DMD: variants seen among roughly 807,000 people sequenced by gnomAD.
The protein encoded by DMD is dystrophin.
Under a neutral mutation model 330.1 loss-of-function variants are expected in DMD, and 63 were observed. That is an observed-to-expected ratio of 0.19 (90% CI 0.16 to 0.24). DMD has a LOEUF of 0.24. Among genes scored for constraint, DMD ranks in the 10% least tolerant of loss-of-function variants. The pLI is 1.00. For synonymous variants in DMD, 1,223 were observed against 959.8 expected (o/e 1.27, Z -5.07); for missense variants, 3,344 against 2,684.1 (o/e 1.25, Z -5.43).
intron 25 of DMD, among the ~76,000 whole-genome samples, chrX:32,461,274 T>C (rs891977218): frequency 8.9e-6 from 1 of 111,764 alleles, no homozygotes; most frequent in African/African-American, 3.2e-5. Flanking sequence ...GCTGAATTGG[T>C]AACAATATTC....
intron 13 of DMD, among the ~76,000 whole-genome samples, chrX:32,579,683 T>A (rs756623650): frequency 2.9e-4 from 33 of 113,006 alleles, no homozygotes; most frequent in Non-Finnish European, 5.8e-4. Flanking sequence ...ATAATTTGAT[T>A]CAAAAACATT....
chrX:31,182,193 A>G (rs1019324234), intron 68 of DMD, among the ~76,000 whole-genome samples: 3 of 111,989 alleles, frequency 2.7e-5, no homozygotes, highest in African/African-American at 9.8e-5. Flanking sequence ...ATACTATACA[A>G]AGAATGTAAT....
chrX:32,737,371 G>C (rs144039687), intron 7 of DMD, among the ~76,000 whole-genome samples: 1 of 110,883 alleles, frequency 9.0e-6, no homozygotes, highest in East Asian at 2.9e-4. Context: ...CTATTTTATG[G>C]TATTTTCTAA....
intron 1 of DMD, among the ~76,000 whole-genome samples, chrX:33,331,565 T>C (rs2054177479): frequency 9.0e-6 from 1 of 111,719 alleles, no homozygotes; most frequent in African/African-American, 3.2e-5. Flanking sequence ...AAGTTTATTT[T>C]CCCTTAGCTC....
intron 37 of DMD, among the ~76,000 whole-genome samples, chrX:32,362,179 ATTTG>A (rs980382586): frequency 4.5e-5 from 5 of 111,653 alleles, no homozygotes; most frequent in Admixed American, 2.9e-4. Context: ...CTTTGCAATG[ATTTG>A]TTTTCATGGC....
chrX:31,230,407 T>C, intron 63 of DMD, among the ~76,000 whole-genome samples: 1 of 111,253 alleles, frequency 9.0e-6, no homozygotes, highest in Non-Finnish European at 1.9e-5. Context: ...CCAGCACTTA[T>C]GGAGGTCGAG....
At chrX:31,565,085 G>T (rs1394507133) in intron 55 of DMD, among the ~76,000 whole-genome samples, 3 of 111,989 alleles carry the variant, frequency 2.7e-5, no homozygotes, top group Non-Finnish European at 5.6e-5. Flanking sequence ...TGAGATAATT[G>T]TATGTTCACA....
Position 31,771,823 on chromosome X carries a change from T to G in DMD, c.7542+2137A>C, listed in dbSNP as rs190447810. On this transcript the variant is annotated intron_variant, in intron 51 of 78. Coordinates refer to ENST00000357033, the MANE Select transcript of DMD (RefSeq NM_004006.3). Reference sequence around the variant, plus strand: ...GCCCTCTACATTAGTTTTTGACCTATATTTAAAGACGATCTCTGTGAGGGG... The same window carrying G: ...GCCCTCTACATTAGTTTTTGACCTAGATTTAAAGACGATCTCTGTGAGGGG... Among the ~76,000 whole-genome samples, 11 of 111,670 alleles carry G rather than the reference T, an allele frequency of 9.9e-5. No homozygotes were observed. The East Asian group carries it at 3.1e-3, about 31-fold the overall frequency.
At chrX:31,822,139 T>C (rs776086852) in intron 49 of DMD, among the ~76,000 whole-genome samples, 1 of 111,989 alleles carries the variant, frequency 8.9e-6, no homozygotes, top group South Asian at 3.7e-4. Flanking sequence ...ACAGAGATTT[T>C]AGGAAAAAAT....
intron 43 of DMD, among the ~76,000 whole-genome samples, chrX:32,281,405 T>C (rs952092232): frequency 1.8e-5 from 2 of 112,347 alleles, no homozygotes; most frequent in African/African-American, 6.5e-5. Context: ...TTAAAGTACA[T>C]ATTTATTATT....
At chrX:31,542,295 A>G (rs2073875518) in intron 55 of DMD, among the ~76,000 whole-genome samples, 1 of 111,996 alleles carries the variant, frequency 8.9e-6, no homozygotes, top group Non-Finnish European at 1.9e-5. Context: ...TAGATGAAGA[A>G]AGACGAAGGG....
rs138497471 is a variant in DMD at position 33,027,219 on chromosome X, G to C, written c.32-7019C>G. Among the ~76,000 whole-genome samples, 907 of 112,128 alleles carry C rather than the reference G, an allele frequency of 8.1e-3. 35 individuals are homozygous for C. The highest frequency in any genetic ancestry group is 0.072 in the Admixed American group (756 of 10,531). On this transcript the variant is annotated intron_variant, in intron 1 of 78. Coordinates refer to ENST00000357033, the MANE Select transcript of DMD (RefSeq NM_004006.3). ...ATTTAATCACAGGGGTCCTTAAAAG[G>C]GGGGAAATGTTGGCATAAGGGGAGA...
Position 32,346,004 on chromosome X carries a change from C to G in DMD, c.5525G>C (p.Arg1842Thr), listed in dbSNP as rs376011686. Residue 1842 changes from arginine (R) to threonine (T), a missense_variant, in exon 39 of 79, where the codon AGA (arginine) becomes ACA (threonine). Physicochemically the swap from Arg to Thr is moderately conservative, Grantham distance 71 (BLOSUM62 -1). Transcript: ENST00000357033. ...DNLQQRITDE[R>T]KREEIKIKQQ... ...TTTTATCTTTATTTCCTCTCGCTTT[C>G]TCTCATCTGTGATTCTTTGTTGTAA... The G allele has an allele frequency of 1.8e-5, 22 of 1,207,486 alleles. No homozygotes were observed. Among genetic ancestry groups the G allele is most frequent in the Non-Finnish European group, 2.3e-5 (21 of 893,773 alleles).
intron 1 of DMD, among the ~76,000 whole-genome samples, chrX:33,329,150 A>G (rs1244746895): frequency 8.9e-6 from 1 of 111,991 alleles, no homozygotes; most frequent in Admixed American, 9.5e-5. Flanking sequence ...TATAGATAAC[A>G]TCCACATGAG....
At chrX:31,717,173 T>C (rs780614520) in intron 52 of DMD, among the ~76,000 whole-genome samples, 1 of 111,960 alleles carries the variant, frequency 8.9e-6, no homozygotes, top group African/African-American at 3.2e-5. Flanking sequence ...AAAGTATTAC[T>C]CTTTTATGAG....
chrX:33,168,111 G>A (rs187806478), intron 1 of DMD, among the ~76,000 whole-genome samples: 20 of 109,704 alleles, frequency 1.8e-4, no homozygotes, highest in African/African-American at 6.3e-4. Flanking sequence ...GTGTGTGCAT[G>A]TGTGTGTGTG....
At chrX:31,822,967 G>A (rs2092807015) in intron 49 of DMD, among the ~76,000 whole-genome samples, 1 of 108,670 alleles carries the variant, frequency 9.2e-6, no homozygotes, top group African/African-American at 3.4e-5. Flanking sequence ...CATTACAGAC[G>A]CCCCTTCCCC....
At chrX:33,039,874 G>A (rs2094269868) in intron 1 of DMD, among the ~76,000 whole-genome samples, 1 of 110,613 alleles carries the variant, frequency 9.0e-6, no homozygotes, top group South Asian at 3.9e-4. Context: ...CTATAAAAAC[G>A]TATTATTTTT....
chrX:32,298,488 A>G (rs768792158), intron 42 of DMD, among the ~76,000 whole-genome samples: 142 of 100,669 alleles, frequency 1.4e-3, no homozygotes, highest in African/African-American at 5.7e-3. Context: ...GATGTTTATT[A>G]TACTTCTAAG....
Sources: allele counts gnomAD v4.1 joint callset (sites outside exome capture counted in the v4.1 genomes callset), GRCh38; gene constraint gnomAD v4.1.1; transcripts MANE v1.5; gene names NCBI Gene and HGNC (gene_info 2026-07-23, HGNC 2026-07-21).